Variants in GLIPR1L1 observed in about 807,000 individuals in gnomAD.
GLIPR1L1 encodes the protein GLIPR1-like protein 1.
A neutral mutation model predicts 29.9 loss-of-function variants in GLIPR1L1; 26 were observed. That is an observed-to-expected ratio of 0.87 (90% CI 0.64 to 1.21). The LOEUF (loss-of-function observed/expected upper bound fraction) is 1.21, where lower values mean the gene tolerates loss of function less well. Ranked by LOEUF, GLIPR1L1 falls within the 50% of genes most tolerant of loss-of-function variation. The pLI, the probability that GLIPR1L1 is intolerant of heterozygous loss-of-function variation, is 0.00. For missense variants in GLIPR1L1, 305 were observed against 290.3 expected (o/e 1.05, Z -0.37); for synonymous variants, 77 against 97.5 (o/e 0.79, Z 1.24).
At chr12:75,361,960 C>T (rs956623171) in intron 3 of GLIPR1L1, among the ~76,000 whole-genome samples, 10 of 152,034 alleles carry the variant, frequency 6.6e-5, no homozygotes, top group East Asian at 3.9e-4. Context: ...AAAACCTCTA[C>T]GACCTTTAGA....
rs149758945 is a variant in GLIPR1L1, at chr12:75,339,973, C to T, written c.175-3720C>T. On this transcript the variant is annotated intron_variant, in intron 1 of 5. Transcript: ENST00000378695. Reference sequence around the variant, plus strand: ...TCATTCTTATGTCCTCATAGCTTAGCTCCCACTTAGAAGTGAGAACATACA... The same window carrying T: ...TCATTCTTATGTCCTCATAGCTTAGTTCCCACTTAGAAGTGAGAACATACA... 2.3e-3 allele frequency among the ~76,000 whole-genome samples: 350 copies of T among 152,206 alleles called. 2 individuals are homozygous for T. The highest frequency in any genetic ancestry group is 8.0e-3 in the African/African-American group (331 of 41,532).
chr12:75,368,943 T>C (rs2044174747), intron 4 of GLIPR1L1, among the ~76,000 whole-genome samples: 1 of 151,998 alleles, frequency 6.6e-6, no homozygotes, highest in Non-Finnish European at 1.5e-5. Flanking sequence ...AATTCTCTTA[T>C]ATTTTTGCAT....
chr12:75,335,522 G>A (rs1487743862), intron 1 of GLIPR1L1, among the ~76,000 whole-genome samples: 2 of 152,118 alleles, frequency 1.3e-5, no homozygotes, highest in Admixed American at 1.3e-4. Flanking sequence ...GCATCACTAT[G>A]AGCATAAACG....
intron 3 of GLIPR1L1, among the ~76,000 whole-genome samples, chr12:75,350,646 C>G (rs2042744530): frequency 6.6e-6 from 1 of 152,062 alleles, no homozygotes; most frequent in South Asian, 2.1e-4. Context: ...AAACAGAAAG[C>G]AACAACAGCA....
At chr12:75,352,829 C>T (rs755732987) in intron 3 of GLIPR1L1, among the ~76,000 whole-genome samples, 2 of 152,152 alleles carry the variant, frequency 1.3e-5, no homozygotes, top group Non-Finnish European at 2.9e-5. Flanking sequence ...AATTAGAACT[C>T]AATATTAAGA....
intron 3 of GLIPR1L1, among the ~76,000 whole-genome samples, chr12:75,361,435 G>C (rs1018692430): frequency 1.3e-5 from 2 of 152,206 alleles, no homozygotes; most frequent in Non-Finnish European, 2.9e-5. Context: ...GGTTTCACCA[G>C]GAACCCAACC....
intron 1 of GLIPR1L1, among the ~76,000 whole-genome samples, chr12:75,342,610 T>TA (rs2042192258): frequency 6.6e-6 from 1 of 152,192 alleles, no homozygotes; most frequent in Non-Finnish European, 1.5e-5. Context: ...TAAATATTGA[T>TA]ATCTGGTAGA....
At chr12:75,346,636 G>A (rs2042467523) in intron 2 of GLIPR1L1, among the ~76,000 whole-genome samples, 1 of 152,080 alleles carries the variant, frequency 6.6e-6, no homozygotes, top group Admixed American at 6.5e-5. Flanking sequence ...CAATCTGCCC[G>A]CCTCAGCCTC....
intron 3 of GLIPR1L1, among the ~76,000 whole-genome samples, chr12:75,356,647 C>T (rs1236474084): frequency 6.6e-6 from 1 of 151,930 alleles, no homozygotes; most frequent in African/African-American, 2.4e-5. Context: ...AAACAGAAAA[C>T]AGATGAAGCA....
At chr12:75,361,564 C>T (rs1452438138) in intron 3 of GLIPR1L1, among the ~76,000 whole-genome samples, 1 of 152,146 alleles carries the variant, frequency 6.6e-6, no homozygotes, top group Non-Finnish European at 1.5e-5. Context: ...CCTGTTTTAG[C>T]TGAGGAAAGA....
intron 4 of GLIPR1L1, chr12:75,366,985 A>G (rs2044012925): frequency 1.4e-6 from 1 of 701,608 alleles, no homozygotes; most frequent in Admixed American, 2.0e-5. Flanking sequence ...TGCAGTAACA[A>G]AATGTCCTTT....
chr12:75,336,582 A>T (rs1384801161), intron 1 of GLIPR1L1, among the ~76,000 whole-genome samples: 1 of 151,812 alleles, frequency 6.6e-6, no homozygotes, highest in East Asian at 1.9e-4. Context: ...TTAGGAAAAT[A>T]AAAGGGCTAA....
At chr12:75,360,568 A>G (rs1003435359) in intron 3 of GLIPR1L1, 1 of 152,250 alleles carries the variant, frequency 6.6e-6, no homozygotes, top group Non-Finnish European at 1.5e-5. Flanking sequence ...CATGTCTCAT[A>G]TCGGGGGCAT....
chr12:75,345,575 A>T (rs562516201), intron 2 of GLIPR1L1, among the ~76,000 whole-genome samples: 2 of 152,294 alleles, frequency 1.3e-5, no homozygotes, highest in Non-Finnish European at 1.5e-5. Context: ...AGCAACTTCC[A>T]TGTTCCCTTT....
At chr12:75,356,701 A>G (rs774523677) in intron 3 of GLIPR1L1, among the ~76,000 whole-genome samples, 3 of 152,196 alleles carry the variant, frequency 2.0e-5, no homozygotes, top group Non-Finnish European at 4.4e-5. Context: ...ACTATAAATA[A>G]TAATGTTAAA....
At chr12:75,367,378 C>T (rs576936074) in intron 4 of GLIPR1L1, among the ~76,000 whole-genome samples, 4 of 151,496 alleles carry the variant, frequency 2.6e-5, no homozygotes, top group South Asian at 2.1e-4. Flanking sequence ...TCTTTATGTC[C>T]GTCTATAAGC....
chr12:75,343,897 G>T lies in GLIPR1L1; in HGVS notation c.379G>T (p.Asp127Tyr). 1 of 1,611,702 alleles carries T rather than the reference G, an allele frequency of 6.2e-7. No individual in the cohort carries two copies. The highest frequency in any genetic ancestry group is 1.1e-5 in the South Asian group (1 of 90,982). Reference protein sequence around the residue: ...WYNETQFYDFDSLSCSRVCGH... With the variant: ...WYNETQFYDFYSLSCSRVCGH... Reference sequence around the variant, plus strand: ...TAATGAAACCCAATTTTATGATTTTGATAGTCTATCATGCTCCAGAGTCTG... The same window carrying T: ...TAATGAAACCCAATTTTATGATTTTTATAGTCTATCATGCTCCAGAGTCTG... Residue 127 changes from aspartate to tyrosine, a missense_variant, in exon 2 of 6, where the codon GAT becomes TAT. Coordinates refer to ENST00000378695, the MANE Select transcript of GLIPR1L1 (RefSeq NM_001304964.2).
Position 75,346,136 on chromosome 12 carries a change from G to A in GLIPR1L1, c.421-1486G>A, listed in dbSNP as rs900848611. On this transcript the variant is annotated intron_variant, in intron 2 of 5. Transcript: ENST00000378695. Reference sequence around the variant, plus strand: ...CTACATAGTGAATATTTATTCTCACGATTCCAAAAGCCCCAAAAAGTCACA... The same window carrying A: ...CTACATAGTGAATATTTATTCTCACAATTCCAAAAGCCCCAAAAAGTCACA... 1.5e-4 allele frequency among the ~76,000 whole-genome samples: 23 copies of A among 152,018 alleles called. 1 individual carries two copies. Among genetic ancestry groups the A allele is most frequent in the Admixed American group, 9.8e-4 (15 of 15,266 alleles).
Position 75,334,814 on chromosome 12 carries a change from C to T in GLIPR1L1, c.86C>T (p.Thr29Ile). ...ACATCTTCCAAAATCCCATCCATCA[C>T]TGACCCACACTTTATAGACAACTGC... ...ATTSSKIPSI[T>I]DPHFIDNCIE... The change falls in exon 1 of 6, where the codon ACT becomes ATT. Residue 29 changes from threonine (T) to isoleucine (I), a missense_variant. Coordinates refer to ENST00000378695, the MANE Select transcript of GLIPR1L1 (RefSeq NM_001304964.2). 2 of 1,614,170 alleles carry T rather than the reference C, an allele frequency of 1.2e-6. No homozygotes were observed. The highest frequency in any genetic ancestry group is 1.7e-6 in the Non-Finnish European group (2 of 1,180,014).
Sources: gnomAD v4.1 joint callset for allele counts (sites outside exome capture counted in the v4.1 genomes callset) on GRCh38, gnomAD v4.1.1 for gene constraint, MANE v1.5 for transcripts, NCBI Gene and HGNC (gene_info 2026-07-23, HGNC 2026-07-21) for gene names.